The following CAMTA1 variants were observed in gnomAD, a reference collection of about 807,000 sequenced individuals.
CAMTA1 encodes the protein calmodulin binding transcription activator 1.
Under a neutral mutation model 170.9 loss-of-function variants are expected in CAMTA1, and 27 were observed. That is an observed-to-expected ratio of 0.16 (90% CI 0.12 to 0.22). The LOEUF (loss-of-function observed/expected upper bound fraction) is 0.22. Ranked by LOEUF, CAMTA1 falls within the 10% of genes least tolerant of loss-of-function variation. The pLI, the probability that CAMTA1 is intolerant of heterozygous loss-of-function variation, is 1.00. For synonymous variants in CAMTA1, 833 were observed against 891.5 expected (o/e 0.93, Z 1.17); for missense variants, 1,619 against 2,217.2 (o/e 0.73, Z 5.42).
At chr1:6,919,066 T>C (rs1261812271) in intron 3 of CAMTA1, among the ~76,000 whole-genome samples, 1 of 152,152 alleles carries the variant, frequency 6.6e-6, no homozygotes, top group Non-Finnish European at 1.5e-5. Context: ...CTGAAAACAC[T>C]CTGTTTTTGG....
At position 7,092,755 on chromosome 1, in the gene CAMTA1, G is replaced by A. The variant is rs1641639018; in HGVS notation, c.302+1384G>A. Among the ~76,000 whole-genome samples, 1 of 152,268 alleles carries A rather than the reference G, an allele frequency of 6.6e-6. No individual in the cohort carries two copies. Among genetic ancestry groups the A allele is most frequent in the Non-Finnish European group, 1.5e-5 (1 of 68,050 alleles). The stretch of plus-strand genomic sequence containing the variant: ...CTGCTCATGGGTCTGTGGGCTGCCT[G>A]TGGCTTTGGGTTGAGGTCAGGTCTG... On this transcript the variant is annotated intron_variant, in intron 4 of 22. Transcript: ENST00000303635. This position sits in a 1 kb window ranked among gnomAD's most constrained non-coding sequence, Gnocchi z 5.0.
intron 4 of CAMTA1, among the ~76,000 whole-genome samples, chr1:7,139,115 A>C (rs1645725153): frequency 7.6e-6 from 1 of 132,290 alleles, no homozygotes; most frequent in Admixed American, 8.1e-5. Context: ...AAAATAAACA[A>C]AATATATTTT....
intron 3 of CAMTA1, among the ~76,000 whole-genome samples, chr1:6,969,879 C>T (rs1692231916): frequency 6.6e-6 from 1 of 152,036 alleles, no homozygotes. Flanking sequence ...CTCCTTTCTG[C>T]AATGGCTTCA....
At position 7,682,957 on chromosome 1, in the gene CAMTA1, G is replaced by T. The variant is rs2096223713; in HGVS notation, c.2914+5224G>T. Among the ~76,000 whole-genome samples the T allele has an allele frequency of 6.6e-6, 1 of 152,172 alleles. No homozygotes were observed. The highest frequency in any genetic ancestry group is 6.5e-5 in the Admixed American group (1 of 15,288). ...GAGGCCGAGGCAGGCGGATCACAAG[G>T]TCAGGAGATCGAGCCCATCCTGGTT... On this transcript the variant is annotated intron_variant, in intron 11 of 22. Coordinates refer to ENST00000303635, the MANE Select transcript of CAMTA1 (RefSeq NM_015215.4). This position sits in a 1 kb window ranked among gnomAD's most constrained non-coding sequence, Gnocchi z 5.0.
intron 11 of CAMTA1, among the ~76,000 whole-genome samples, chr1:7,699,793 C>T (rs141441343): frequency 9.2e-4 from 140 of 152,320 alleles, no homozygotes; most frequent in African/African-American, 3.3e-3. Flanking sequence ...AAATGTTGAG[C>T]ATTATTGATT....
chr1:6,816,941 G>A (rs1645897175), intron 1 of CAMTA1, among the ~76,000 whole-genome samples: 1 of 152,140 alleles, frequency 6.6e-6, no homozygotes, highest in Non-Finnish European at 1.5e-5. Flanking sequence ...AGAACCTATG[G>A]TTTTCAAAGA....
intron 4 of CAMTA1, among the ~76,000 whole-genome samples, chr1:7,105,227 A>G (rs1034625632): frequency 2.0e-5 from 3 of 152,236 alleles, no homozygotes; most frequent in Admixed American, 2.0e-4. Context: ...GGGAATTTCC[A>G]TTTCTTATGT....
intron 4 of CAMTA1, among the ~76,000 whole-genome samples, chr1:7,181,556 A>G (rs1273274033): frequency 1.3e-5 from 2 of 152,222 alleles, no homozygotes; most frequent in African/African-American, 4.8e-5. Context: ...TTTAACATAT[A>G]GAACTTATTA....
intron 5 of CAMTA1, among the ~76,000 whole-genome samples, chr1:7,252,488 T>C (rs2149316788): frequency 6.6e-6 from 1 of 152,208 alleles, no homozygotes; most frequent in East Asian, 1.9e-4. Context: ...GGACCAAGGG[T>C]GGGGAAGCCC....
chr1:6,821,274 T>A (rs576262400), intron 2 of CAMTA1, among the ~76,000 whole-genome samples: 2 of 152,350 alleles, frequency 1.3e-5, no homozygotes, highest in East Asian at 3.9e-4. Flanking sequence ...CAAAATCAGA[T>A]CAGTGTTTGG....
rs2149999243 is a variant in CAMTA1, at chr1:7,737,219, G to C, written c.3343-36G>C. 3 of 1,595,200 alleles carry C rather than the reference G, an allele frequency of 1.9e-6. No individual in the cohort carries two copies. In the East Asian group the frequency reaches 6.7e-5, roughly 36 times the overall value. ...AAAGTCAGGTCTGGTCTTGACCTCT[G>C]ATTGAGAACGCTTGCTGTGTCTCCC... On this transcript the variant is annotated intron_variant, in intron 14 of 22. Transcript: ENST00000303635.
In CAMTA1 at chr1:7,258,899, C is replaced by G. The variant is rs142173233; in HGVS notation, c.438+9273C>G. Among the ~76,000 whole-genome samples, 1,126 of 152,238 alleles carry G rather than the reference C, an allele frequency of 7.4e-3. 16 individuals carry two copies. Among genetic ancestry groups the G allele is most frequent in the African/African-American group, 0.025 (1,056 of 41,518 alleles). On this transcript the variant is annotated intron_variant, in intron 5 of 22. Coordinates refer to ENST00000303635, the MANE Select transcript of CAMTA1 (RefSeq NM_015215.4). ...GCGTGGATTAGGCACCAGCAGAGGG[C>G]AGGGATATGGCTTACGGGCTAAGTA...
At chr1:7,397,491 T>A (rs964991266) in intron 5 of CAMTA1, among the ~76,000 whole-genome samples, 2 of 152,062 alleles carry the variant, frequency 1.3e-5, no homozygotes, top group African/African-American at 4.8e-5. Context: ...TGGGTTTTGG[T>A]CTCTATTTTG....
Position 7,732,713 on chromosome 1 carries a change from G to GCCTTCTGC in CAMTA1, c.3066+115_3066+116insCTTCTGCC. 7.1e-7 allele frequency: 1 copy of GCCTTCTGC among 1,406,950 alleles called. No homozygotes were observed. The highest frequency in any genetic ancestry group is 9.5e-7 in the Non-Finnish European group (1 of 1,058,072). 87.2% of individuals were successfully genotyped at this position (1,406,950 alleles called of 1,614,324 possible). A position where few individuals can be genotyped will look rare whatever the true frequency, so the allele number is the denominator to read the frequency against. On this transcript the variant is annotated intron_variant, in intron 12 of 22. Coordinates refer to ENST00000303635, the MANE Select transcript of CAMTA1 (RefSeq NM_015215.4). This position sits in a 1 kb window ranked among gnomAD's most constrained non-coding sequence, Gnocchi z 4.1. ...CTGCTGATGCGGTCCCTGTATTCAGGCAGAAGGCCTGAGGGAGTACTTTAC... is the reference window on the plus strand; with the variant it reads ...CTGCTGATGCGGTCCCTGTATTCAGGCCTTCTGCCAGAAGGCCTGAGGGAGTACTTTAC...
chr1:7,564,620 G>T lies in CAMTA1; in HGVS notation c.511-75780G>T, dbSNP rs191524599. Among the ~76,000 whole-genome samples, 6 of 152,216 alleles carry T rather than the reference G, an allele frequency of 3.9e-5. No homozygotes were observed. The South Asian group carries it at 8.3e-4, about 21-fold the overall frequency. ...TGTGAGTGTGCATGTTCATGTGCGG[G>T]TATGTACGTTTGCAGGCGTGTGTGT... On this transcript the variant is annotated intron_variant, in intron 6 of 22. Transcript: ENST00000303635.
intron 3 of CAMTA1, among the ~76,000 whole-genome samples, chr1:6,976,801 T>C (rs1693508656): frequency 1.3e-5 from 2 of 152,186 alleles, no homozygotes; most frequent in South Asian, 4.1e-4. Context: ...CATCTTGAAT[T>C]GTAACTCCCA....
intron 4 of CAMTA1, among the ~76,000 whole-genome samples, chr1:7,150,387 C>T (rs1646502686): frequency 6.6e-6 from 1 of 152,210 alleles, no homozygotes; most frequent in African/African-American, 2.4e-5. Flanking sequence ...CCCCTGCTTC[C>T]TCCATCAGAG....
intron 3 of CAMTA1, among the ~76,000 whole-genome samples, chr1:6,935,535 A>G (rs10864248): frequency 1 from 152,302 of 152,358 alleles, 76,123 homozygotes; most frequent in Non-Finnish European, 1. Context: ...TGCTCTCTGA[A>G]TAAATTGACT....
chr1:7,525,182 C>T (rs1369268548), intron 6 of CAMTA1, among the ~76,000 whole-genome samples: 1 of 152,152 alleles, frequency 6.6e-6, no homozygotes, highest in Non-Finnish European at 1.5e-5. Flanking sequence ...TTTCCTTTTC[C>T]AGGAAATGTG....
Sources: gnomAD v4.1 joint callset for allele counts (sites outside exome capture counted in the v4.1 genomes callset) on GRCh38, gnomAD v4.1.1 for gene constraint, Gnocchi (gnomAD v3.1) non-coding constraint, MANE v1.5 for transcripts, NCBI Gene and HGNC (gene_info 2026-07-23, HGNC 2026-07-21) for gene names.